The following PAX3 variants were observed in gnomAD, a reference collection of about 807,000 sequenced individuals.
PAX3 encodes paired box protein Pax-3.
A neutral mutation model predicts 51.6 loss-of-function variants in PAX3; 14 were observed. The observed-to-expected ratio is 0.27, with a 90% CI of 0.18 to 0.42. PAX3 has a LOEUF of 0.42. PAX3 is among the 10% of genes least tolerant of loss of function. PAX3 has a pLI of 1.00. For missense variants in PAX3, 540 were observed against 642.8 expected (o/e 0.84, Z 1.73); for synonymous variants, 280 against 253.4 (o/e 1.11, Z -1.00).
At chr2:222,252,103 C>T (rs1559286761) in intron 4 of PAX3, among the ~76,000 whole-genome samples, 1 of 152,176 alleles carries the variant, frequency 6.6e-6, no homozygotes, top group Non-Finnish European at 1.5e-5. Flanking sequence ...AACATTGACA[C>T]ATGAAAATTA....
In PAX3 at chr2:222,225,443, T is replaced by G. The variant is rs185390831; in HGVS notation, c.793-4056A>C. ...AAAGATAATAATTAGAAAAGAAATT[T>G]TCATACTTTTTATGAGTAAGCAAAC... On this transcript the variant is annotated intron_variant, in intron 5 of 8. Coordinates refer to ENST00000392070, the MANE Select transcript of PAX3 (RefSeq NM_181458.4). 3.1e-4 allele frequency among the ~76,000 whole-genome samples: 47 copies of G among 152,280 alleles called. No individual in the cohort carries two copies. In the East Asian group the frequency reaches 6.9e-3, roughly 22 times the overall value.
intron 3 of PAX3, 38 bp from the exon 4 acceptor site, chr2:222,294,339 A>G (rs1188765618): frequency 6.8e-6 from 11 of 1,612,092 alleles, no homozygotes; most frequent in Non-Finnish European, 9.3e-6. Context: ...GGGAGCGCAC[A>G]TGGTTGAGAC....
At chr2:222,243,797 G>A (rs1177725050) in intron 4 of PAX3, among the ~76,000 whole-genome samples, 1 of 152,202 alleles carries the variant, frequency 6.6e-6, no homozygotes, top group African/African-American at 2.4e-5. Flanking sequence ...ATCTTATCTG[G>A]GTCAATTATT....
intron 4 of PAX3, among the ~76,000 whole-genome samples, chr2:222,248,052 T>C (rs1693292641): frequency 6.6e-6 from 1 of 152,222 alleles, no homozygotes; most frequent in Non-Finnish European, 1.5e-5. Flanking sequence ...TAAAATGTCC[T>C]CTGGATCATC....
chr2:222,210,307 A>G (rs1398941732), intron 7 of PAX3, among the ~76,000 whole-genome samples: 1 of 152,174 alleles, frequency 6.6e-6, no homozygotes, highest in Non-Finnish European at 1.5e-5. Context: ...TTATGTTCCA[A>G]AACTTTTTGA....
chr2:222,245,276 A>G (rs1474906318), intron 4 of PAX3, among the ~76,000 whole-genome samples: 1 of 152,250 alleles, frequency 6.6e-6, no homozygotes, highest in East Asian at 1.9e-4. Flanking sequence ...ACCAGCCTAA[A>G]AGAAATTAAG....
At chr2:222,206,442 G>A (rs1220807983) in intron 7 of PAX3, among the ~76,000 whole-genome samples, 10 of 151,470 alleles carry the variant, frequency 6.6e-5, no homozygotes, top group South Asian at 2.1e-4. Context: ...CCTCCGAAAT[G>A]TGTTCCACAT....
Position 222,298,586 on chromosome 2 carries a change from C to T in PAX3, c.30G>A (p.Arg10=), listed in dbSNP as rs1695436478. 6.2e-7 allele frequency: 1 copy of T among 1,608,724 alleles called. No individual in the cohort carries two copies. Residue 10 remains arginine, a synonymous_variant, in exon 1 of 9, where the codon AGG becomes AGA. Coordinates refer to ENST00000392070, the MANE Select transcript of PAX3 (RefSeq NM_181458.4). MTTLAGAVP[R]MMRPGPGQNY... ...TCTGCCCCGGGCCCGGCCGCATCAT[C>T]CTGGGCACAGCGCCGGCCAGCGTGG...
chr2:222,228,460 G>A (rs1208700176), intron 5 of PAX3, among the ~76,000 whole-genome samples: 1 of 152,174 alleles, frequency 6.6e-6, no homozygotes, highest in African/African-American at 2.4e-5. Context: ...GCTGGGTGCT[G>A]TACAAGCTAC....
chr2:222,270,867 C>T (rs1298117978), intron 4 of PAX3, among the ~76,000 whole-genome samples: 3 of 152,200 alleles, frequency 2.0e-5, no homozygotes, highest in African/African-American at 7.2e-5. Flanking sequence ...AACTAGGTCC[C>T]TTATGTCCTA....
intron 4 of PAX3, among the ~76,000 whole-genome samples, chr2:222,280,133 C>T (rs971062045): frequency 2.0e-5 from 3 of 151,834 alleles, no homozygotes; most frequent in African/African-American, 7.3e-5. Flanking sequence ...ATTGCTTGAA[C>T]GTGGGAGGTG....
In PAX3 at chr2:222,298,763, G is replaced by C. The variant is rs1423872080; in HGVS notation, c.-148C>G. 1 of 758,314 alleles carries C rather than the reference G, an allele frequency of 1.3e-6. No homozygotes were observed. 47.0% of individuals were successfully genotyped at this position (758,314 alleles called of 1,614,324 possible). ...GAGAGAGGGAGGGACGCGGGGAGGG[G>C]GGCTGTCGGTTCCTAGTCCAGAGGC... On this transcript the variant is annotated 5_prime_UTR_variant, in exon 1 of 9. Coordinates refer to ENST00000392070, the MANE Select transcript of PAX3 (RefSeq NM_181458.4).
chr2:222,223,199 A>G (rs912411831), intron 5 of PAX3, among the ~76,000 whole-genome samples: 2 of 152,228 alleles, frequency 1.3e-5, no homozygotes, highest in South Asian at 4.1e-4. Context: ...CATTTGTCTG[A>G]AAAGAGTTTT....
At chr2:222,271,215 C>G (rs1035901059) in intron 4 of PAX3, among the ~76,000 whole-genome samples, 5 of 152,134 alleles carry the variant, frequency 3.3e-5, no homozygotes, top group African/African-American at 4.8e-5. Context: ...AACCCCAAAG[C>G]CTTTCATAAA....
intron 2 of PAX3, among the ~76,000 whole-genome samples, chr2:222,296,530 G>C (rs1385365775): frequency 6.6e-6 from 1 of 152,058 alleles, no homozygotes; most frequent in Non-Finnish European, 1.5e-5. Context: ...ATTTGCACTG[G>C]GGGAGACTGA....
intron 1 of PAX3, chr2:222,298,297 C>A: frequency 1.8e-6 from 1 of 557,942 alleles, no homozygotes. Flanking sequence ...GTCTCCCCGG[C>A]TCGCCGCAGG....
intron 5 of PAX3, among the ~76,000 whole-genome samples, chr2:222,227,875 G>C (rs771264792): frequency 4.6e-5 from 7 of 152,052 alleles, no homozygotes; most frequent in Non-Finnish European, 1.0e-4. Flanking sequence ...CACTGACAGA[G>C]GCTAAAGTTA....
Position 222,258,925 on chromosome 2 carries a change from C to T in PAX3, c.587-26642G>A, listed in dbSNP as rs1283286291. Among the ~76,000 whole-genome samples, 8 of 149,652 alleles carry T rather than the reference C, an allele frequency of 5.3e-5. 1 individual carries two copies. Among genetic ancestry groups the T allele is most frequent in the Admixed American group, 1.3e-4 (2 of 14,930 alleles). On this transcript the variant is annotated intron_variant, in intron 4 of 8. Coordinates refer to ENST00000392070, the MANE Select transcript of PAX3 (RefSeq NM_181458.4). ...GTCTTGTTCTCTAGAACCAAATCTG[C>T]GGTTGACTGTGGCACTGATTTAAAA...
At chr2:222,259,070 T>A (rs1693750434) in intron 4 of PAX3, among the ~76,000 whole-genome samples, 2 of 152,106 alleles carry the variant, frequency 1.3e-5, no homozygotes, top group South Asian at 4.1e-4. Flanking sequence ...AAAAAAATAA[T>A]CTTAACATTT....
Sources: allele counts gnomAD v4.1 joint callset (sites outside exome capture counted in the v4.1 genomes callset), GRCh38; gene constraint gnomAD v4.1.1; transcripts MANE v1.5; gene names NCBI Gene and HGNC (gene_info 2026-07-23, HGNC 2026-07-21).